The following CACNA1H variants were observed in gnomAD, a reference collection of about 807,000 sequenced individuals.
The protein encoded by CACNA1H is voltage-dependent T-type calcium channel subunit alpha-1H.
In CACNA1H, 149 loss-of-function variants were observed where a neutral mutation model predicts 192.5. That is an observed-to-expected ratio of 0.77 (90% confidence interval 0.68 to 0.89). The LOEUF (loss-of-function observed/expected upper bound fraction) is 0.89, where lower values mean the gene tolerates loss of function less well. CACNA1H is among the 40% of genes least tolerant of loss of function. The pLI, the probability that CACNA1H is intolerant of heterozygous loss-of-function variation, is 0.00. For missense variants in CACNA1H, 4,257 were observed against 3,423.5 expected (o/e 1.24, Z -6.08); for synonymous variants, 2,202 against 1,475.2 (o/e 1.49, Z -11.29).
intron 2 of CACNA1H, among the ~76,000 whole-genome samples, chr16:1,166,449 G>A (rs1446964835): frequency 6.6e-6 from 1 of 152,210 alleles, no homozygotes. Flanking sequence ...CATTCCTGTT[G>A]TTGGTCTTTT....
chr16:1,202,830 G>T (rs537064514), intron 9 of CACNA1H, among the ~76,000 whole-genome samples: 1 of 152,104 alleles, frequency 6.6e-6, no homozygotes, highest in Admixed American at 6.5e-5. Flanking sequence ...AGCGTCCTTC[G>T]TGGCCATTGA....
Position 1,207,998 on chromosome 16 carries a change from C to A in CACNA1H, c.3155-15C>A, listed in dbSNP as rs747740198. The A allele has an allele frequency of 1.3e-6, 2 of 1,592,110 alleles. No individual in the cohort carries two copies. Among genetic ancestry groups the A allele is most frequent in the Non-Finnish European group, 1.7e-6 (2 of 1,169,930 alleles). On this transcript the variant is annotated splice_polypyrimidine_tract_variant and intron_variant, in intron 15 of 34. Transcript: ENST00000348261. ...CTGGCAGCTCTAGGGGCCCATTCCT[C>A]CCTCTGTCCCGCAGAGCTGAAGATG...
intron 2 of CACNA1H, among the ~76,000 whole-genome samples, chr16:1,156,770 G>A (rs775571692): frequency 2.5e-4 from 38 of 152,054 alleles, no homozygotes; most frequent in Non-Finnish European, 4.4e-4. Flanking sequence ...AGCCTGAGCC[G>A]GGGTTCAGTC....
chr16:1,185,338 C>T (rs932062425), intron 2 of CACNA1H, among the ~76,000 whole-genome samples: 4 of 152,162 alleles, frequency 2.6e-5, no homozygotes, highest in African/African-American at 9.7e-5. Flanking sequence ...TCGTGAGTGC[C>T]CGTTTCCTTT....
intron 2 of CACNA1H, 32 bp downstream of exon 2, chr16:1,154,068 C>A (rs1169608944): frequency 1.6e-4 from 6 of 36,380 alleles, no homozygotes; most frequent in East Asian, 4.5e-4. Context: ...GGGCGGGGGG[C>A]GGGGGGCGTG....
chr16:1,209,965 C>A, intron 17 of CACNA1H, 70 bp from the exon 18 acceptor site: 1 of 1,183,568 alleles, frequency 8.4e-7, no homozygotes, highest in Non-Finnish European at 1.2e-6. Context: ...CCGAGCTGAG[C>A]ACAGAGGGCC....
intron 25 of CACNA1H, 50 bp from the exon 26 acceptor site, chr16:1,212,461 C>T (rs987314279): frequency 4.0e-5 from 63 of 1,561,962 alleles, no homozygotes; most frequent in Non-Finnish European, 4.9e-5. Context: ...GGGCTCCAGG[C>T]CCGAGTGCGC....
chr16:1,154,986 C>T (rs1962119421), intron 2 of CACNA1H, among the ~76,000 whole-genome samples: 1 of 152,210 alleles, frequency 6.6e-6, no homozygotes, highest in Non-Finnish European at 1.5e-5. Context: ...TGCTCCGGGC[C>T]TGGGGACGGG....
In CACNA1H at chr16:1,173,829, A is replaced by T. The variant is rs1337344669; in HGVS notation, c.299+19793A>T. Among the ~76,000 whole-genome samples, 6 of 152,140 alleles carry T rather than the reference A, an allele frequency of 3.9e-5. No individual in the cohort carries two copies. The South Asian group carries it at 1.2e-3, about 32-fold the overall frequency. On this transcript the variant is annotated intron_variant, in intron 2 of 34. Transcript: ENST00000348261. ...TGCACACAGTGGGGCCTCACACCAC[A>T]TGGGAGTTGTGGACATTAACCTGTG...
chr16:1,169,508 C>T (rs545737639), intron 2 of CACNA1H, among the ~76,000 whole-genome samples: 30 of 152,344 alleles, frequency 2.0e-4, no homozygotes, highest in African/African-American at 7.0e-4. Flanking sequence ...GCGGGCACAG[C>T]GCGTGTCTCG....
Position 1,220,253 on chromosome 16 carries a change from C to A in CACNA1H, c.6321C>A (p.Ser2107=). The A allele has an allele frequency of 6.3e-7, 1 of 1,585,630 alleles. No individual in the cohort carries two copies. The highest frequency in any genetic ancestry group is 8.5e-7 in the Non-Finnish European group (1 of 1,172,396). ...ADEEVSHITS[S]ACPWQPTAEP... ...AGGAGGTCAGCCACATCACCAGCTC[C>A]GCCTGCCCCTGGCAGCCCACAGCCG... The change falls in exon 35 of 35, where the codon TCC becomes TCA. Residue 2107 remains serine (S), a synonymous_variant. Coordinates refer to ENST00000348261, the MANE Select transcript of CACNA1H (RefSeq NM_021098.3).
chr16:1,163,553 T>G (rs1259177456), intron 2 of CACNA1H, among the ~76,000 whole-genome samples: 2 of 152,216 alleles, frequency 1.3e-5, no homozygotes, highest in African/African-American at 4.8e-5. Context: ...GGCGAGGGTC[T>G]CTCTCAGGGC....
intron 2 of CACNA1H, among the ~76,000 whole-genome samples, chr16:1,175,455 G>A (rs868351391): frequency 1.3e-5 from 2 of 152,156 alleles, no homozygotes; most frequent in African/African-American, 4.8e-5. Flanking sequence ...CTGCTGTGTC[G>A]TCGCTCCTGC....
chr16:1,186,744 C>G (rs989529877), intron 2 of CACNA1H, among the ~76,000 whole-genome samples: 1 of 152,174 alleles, frequency 6.6e-6, no homozygotes, highest in Non-Finnish European at 1.5e-5. Flanking sequence ...GCTTCCTGGC[C>G]GGTGAATGTG....
chr16:1,212,158 G>C lies in CACNA1H; in HGVS notation c.4759+20G>C. On this transcript the variant is annotated intron_variant, in intron 25 of 34. Coordinates refer to ENST00000348261, the MANE Select transcript of CACNA1H (RefSeq NM_021098.3). ...GCAGGAGTAAGGCGCTCCCGGTGGCGGTGGCGGTGGCGGGTCGGTACCTGT... is the reference window on the plus strand; with the variant it reads ...GCAGGAGTAAGGCGCTCCCGGTGGCCGTGGCGGTGGCGGGTCGGTACCTGT... 1 of 1,591,844 alleles carries C rather than the reference G, an allele frequency of 6.3e-7. No homozygotes were observed. The highest frequency in any genetic ancestry group is 8.5e-7 in the Non-Finnish European group (1 of 1,175,868).
At chr16:1,171,322 A>C (rs533910783) in intron 2 of CACNA1H, among the ~76,000 whole-genome samples, 2 of 152,220 alleles carry the variant, frequency 1.3e-5, no homozygotes, top group East Asian at 3.9e-4. Context: ...GGCTGTCAGC[A>C]GCCCAGGGGG....
At chr16:1,209,878 G>A (rs1378931923) in intron 17 of CACNA1H, among the ~76,000 whole-genome samples, 157 bp from the exon 18 acceptor site, 1 of 152,226 alleles carries the variant, frequency 6.6e-6, no homozygotes, top group African/African-American at 2.4e-5. Flanking sequence ...GGCCCCAGAG[G>A]CCAGAAAGCC....
intron 9 of CACNA1H, among the ~76,000 whole-genome samples, chr16:1,202,910 G>A (rs187400902): frequency 3.2e-4 from 49 of 152,232 alleles, no homozygotes; most frequent in African/African-American, 1.2e-3. Context: ...CAGAGTCACC[G>A]AGAGTCAGGA....
intron 2 of CACNA1H, among the ~76,000 whole-genome samples, chr16:1,193,682 A>G (rs1966808741): frequency 6.6e-6 from 1 of 152,174 alleles, no homozygotes; most frequent in South Asian, 2.1e-4. Flanking sequence ...CATTAAGTGT[A>G]ATTACCGCAC....
Sources: allele counts gnomAD v4.1 joint callset (sites outside exome capture counted in the v4.1 genomes callset), GRCh38; gene constraint gnomAD v4.1.1; transcripts MANE v1.5; gene names NCBI Gene and HGNC (gene_info 2026-07-23, HGNC 2026-07-21).